DLG2: variants seen among roughly 807,000 people sequenced by gnomAD.
The protein encoded by DLG2 is disks large homolog 2.
In DLG2, 45 loss-of-function variants were observed where a neutral mutation model predicts 132.5. The ratio of observed to expected loss-of-function variants is 0.34; its 90% CI spans 0.27 to 0.44. The LOEUF (loss-of-function observed/expected upper bound fraction) is 0.44, where lower values mean the gene tolerates loss of function less well. DLG2 is among the 20% of genes least tolerant of loss of function. DLG2 has a pLI of 1.00. For missense variants in DLG2, 1,045 were observed against 1,196.9 expected (o/e 0.87, Z 1.87); for synonymous variants, 424 against 419.6 (o/e 1.01, Z -0.13).
intron 19 of DLG2, among the ~76,000 whole-genome samples, chr11:83,627,900 G>A (rs145622020): frequency 0.039 from 5,975 of 152,142 alleles, 398 homozygotes; most frequent in African/African-American, 0.14. Flanking sequence ...TTTAATGATC[G>A]CCATTCTAAC....
intron 3 of DLG2, among the ~76,000 whole-genome samples, chr11:85,546,533 G>A (rs544620040): frequency 3.3e-5 from 5 of 152,048 alleles, no homozygotes; most frequent in African/African-American, 4.8e-5. Context: ...CTGAGTTCAC[G>A]TCCTGGATAT....
At chr11:83,806,170 G>A (rs1649748718) in intron 17 of DLG2, among the ~76,000 whole-genome samples, 1 of 152,064 alleles carries the variant, frequency 6.6e-6, no homozygotes, top group Non-Finnish European at 1.5e-5. Flanking sequence ...GATGGTCCGT[G>A]ACACTTACTT....
intron 7 of DLG2, among the ~76,000 whole-genome samples, chr11:84,528,433 C>T (rs910290823): frequency 6.6e-6 from 1 of 152,180 alleles, no homozygotes; most frequent in African/African-American, 2.4e-5. Context: ...ACCAAGGCTT[C>T]AAGTAATACA....
At chr11:84,493,136 T>C (rs2099169607) in intron 7 of DLG2, among the ~76,000 whole-genome samples, 1 of 151,434 alleles carries the variant, frequency 6.6e-6, no homozygotes, top group Non-Finnish European at 1.5e-5. Context: ...GGACATGGTG[T>C]ATGTCCATCA....
At chr11:84,971,803 T>C (rs2054137424) in intron 6 of DLG2, among the ~76,000 whole-genome samples, 1 of 152,158 alleles carries the variant, frequency 6.6e-6, no homozygotes, top group Admixed American at 6.6e-5. Flanking sequence ...TTTTCTGTTG[T>C]ACTGAATAAA....
chr11:84,330,346 A>G (rs993468923), intron 7 of DLG2, among the ~76,000 whole-genome samples: 4 of 152,202 alleles, frequency 2.6e-5, no homozygotes, highest in Non-Finnish European at 4.4e-5. Context: ...CATCACCAAC[A>G]TATCTACAGT....
chr11:85,421,016 GA>G (rs1192662133), intron 3 of DLG2, among the ~76,000 whole-genome samples: 1 of 151,922 alleles, frequency 6.6e-6, no homozygotes, highest in African/African-American at 2.4e-5. Flanking sequence ...AAATAAAAAT[GA>G]AAAAAACACT....
chr11:84,231,504 C>A (rs1325627674), intron 8 of DLG2, among the ~76,000 whole-genome samples: 1 of 152,000 alleles, frequency 6.6e-6, no homozygotes, highest in African/African-American at 2.4e-5. Flanking sequence ...AGGAGATTAT[C>A]AGGTACAAAA....
intron 6 of DLG2, among the ~76,000 whole-genome samples, chr11:85,025,674 T>C (rs1039872804): frequency 6.6e-6 from 1 of 152,182 alleles, no homozygotes; most frequent in Non-Finnish European, 1.5e-5. Flanking sequence ...ACTAGAAGAA[T>C]AACAGTCTGG....
chr11:84,342,442 T>G (rs534482430), intron 7 of DLG2, among the ~76,000 whole-genome samples: 19 of 152,222 alleles, frequency 1.2e-4, no homozygotes, highest in Non-Finnish European at 2.2e-4. Context: ...ATATGGGTGT[T>G]ATATTTTTAA....
intron 6 of DLG2, among the ~76,000 whole-genome samples, chr11:84,928,805 G>A (rs1462561165): frequency 6.6e-6 from 1 of 150,888 alleles, no homozygotes; most frequent in Non-Finnish European, 1.5e-5. Flanking sequence ...TTCCACAAAA[G>A]TATCCCTAAA....
intron 3 of DLG2, among the ~76,000 whole-genome samples, chr11:85,570,463 A>G (rs1044567645): frequency 6.6e-6 from 1 of 152,148 alleles, no homozygotes; most frequent in African/African-American, 2.4e-5. Context: ...GGTTAATCCT[A>G]TTAGACTCCC....
chr11:83,926,826 A>C (rs569345036), intron 15 of DLG2, among the ~76,000 whole-genome samples: 1 of 152,134 alleles, frequency 6.6e-6, no homozygotes, highest in Non-Finnish European at 1.5e-5. Context: ...TGGAACCAGA[A>C]TATTTTACTT....
At chr11:84,493,288 T>C (rs986238639) in intron 7 of DLG2, among the ~76,000 whole-genome samples, 1 of 152,106 alleles carries the variant, frequency 6.6e-6, no homozygotes, top group East Asian at 1.9e-4. Flanking sequence ...TGAAAATAAT[T>C]TGCCATCACC....
intron 21 of DLG2, among the ~76,000 whole-genome samples, chr11:83,532,270 C>T (rs76158891): frequency 0.026 from 3,945 of 152,084 alleles, 174 homozygotes; most frequent in African/African-American, 0.088. Context: ...CACAACAATC[C>T]GTGTATTCAT....
At chr11:85,009,207 A>G (rs2058946898) in intron 6 of DLG2, among the ~76,000 whole-genome samples, 2 of 152,108 alleles carry the variant, frequency 1.3e-5, no homozygotes, top group Non-Finnish European at 2.9e-5. Context: ...AAGACCTATT[A>G]ATCTCCAGAG....
chr11:83,730,528 A>T (rs1392557067), intron 18 of DLG2, among the ~76,000 whole-genome samples: 1 of 152,140 alleles, frequency 6.6e-6, no homozygotes, highest in Non-Finnish European at 1.5e-5. Flanking sequence ...TTACAAAGAC[A>T]AAGGTATTCT....
At chr11:84,462,060 C>A (rs2099081771) in intron 7 of DLG2, among the ~76,000 whole-genome samples, 1 of 151,090 alleles carries the variant, frequency 6.6e-6, no homozygotes, top group African/African-American at 2.4e-5. Flanking sequence ...CTATGACTCA[C>A]TTTTGTCATC....
chr11:85,566,913 T>G (rs1437178267), intron 3 of DLG2, among the ~76,000 whole-genome samples: 3 of 152,168 alleles, frequency 2.0e-5, no homozygotes, highest in African/African-American at 7.2e-5. Flanking sequence ...CCTGGTAGCA[T>G]TTGTTGAAAA....
Sources: gnomAD v4.1 joint callset for allele counts (sites outside exome capture counted in the v4.1 genomes callset) on GRCh38, gnomAD v4.1.1 for gene constraint, MANE v1.5 for transcripts, NCBI Gene and HGNC (gene_info 2026-07-23, HGNC 2026-07-21) for gene names.